CNTN3: variants seen among roughly 807,000 people sequenced by gnomAD.
The protein encoded by CNTN3 is contactin 3, also known as contactin-3.
CNTN3 carries 60 observed loss-of-function variants against 119.1 expected under a neutral mutation model. The ratio of observed to expected loss-of-function variants is 0.50; its 90% CI spans 0.41 to 0.62. The LOEUF (loss-of-function observed/expected upper bound fraction) is 0.62. CNTN3 is among the 20% of genes least tolerant of loss of function. The probability of loss-of-function intolerance (pLI) is 0.00; values close to 1 mark genes in which losing one functional copy is unlikely to be tolerated. For synonymous variants in CNTN3, 450 were observed against 438.7 expected (o/e 1.03, Z -0.32); for missense variants, 1,101 against 1,242.4 (o/e 0.89, Z 1.71).
intron 5 of CNTN3, among the ~76,000 whole-genome samples, chr3:74,372,589 T>TA (rs1302310835): frequency 2.6e-5 from 4 of 151,348 alleles, no homozygotes; most frequent in African/African-American, 9.7e-5. Context: ...CCAATAGAGT[T>TA]TAAAAAAAAA....
intron 5 of CNTN3, among the ~76,000 whole-genome samples, chr3:74,402,584 T>C (rs1205148098): frequency 6.6e-6 from 1 of 152,200 alleles, no homozygotes; most frequent in African/African-American, 2.4e-5. Flanking sequence ...GCCTTCTATA[T>C]ACTAAGCATT....
intron 1 of CNTN3, among the ~76,000 whole-genome samples, chr3:74,576,078 C>A (rs1286959204): frequency 6.6e-6 from 1 of 152,040 alleles, no homozygotes; most frequent in African/African-American, 2.4e-5. Flanking sequence ...ACATTCCAGC[C>A]CTCTGCCTCC....
At chr3:74,265,890 T>C (rs1701652874) in intron 22 of CNTN3, among the ~76,000 whole-genome samples, 1 of 152,116 alleles carries the variant, frequency 6.6e-6, no homozygotes, top group Admixed American at 6.6e-5. Flanking sequence ...TATTCTAGCA[T>C]TGGCAGTTGA....
At chr3:74,583,036 T>A (rs965881490) in intron 1 of CNTN3, among the ~76,000 whole-genome samples, 24 of 152,046 alleles carry the variant, frequency 1.6e-4, no homozygotes, top group African/African-American at 5.6e-4. Flanking sequence ...TTGGTCAGTA[T>A]CCAGAAGCAG....
At chr3:74,337,964 T>C (rs1703436051) in intron 11 of CNTN3, among the ~76,000 whole-genome samples, 1 of 152,108 alleles carries the variant, frequency 6.6e-6, no homozygotes, top group Admixed American at 6.6e-5. Context: ...CTGTCATTAA[T>C]CTGATCACTG....
At chr3:74,470,236 T>C (rs1394248254) in intron 4 of CNTN3, among the ~76,000 whole-genome samples, 1 of 152,132 alleles carries the variant, frequency 6.6e-6, no homozygotes, top group African/African-American at 2.4e-5. Flanking sequence ...TGGGGTATGA[T>C]AATAACTCTC....
chr3:74,358,810 T>A (rs1704008573), intron 11 of CNTN3, among the ~76,000 whole-genome samples: 1 of 134,046 alleles, frequency 7.5e-6, no homozygotes, highest in African/African-American at 2.8e-5. Flanking sequence ...CCTTTCTGTG[T>A]CCATGTGATC....
chr3:74,587,650 C>A (rs188874212), intron 1 of CNTN3, among the ~76,000 whole-genome samples: 1 of 152,026 alleles, frequency 6.6e-6, no homozygotes, highest in African/African-American at 2.4e-5. Context: ...CACAGTTATC[C>A]GAAAACCATC....
At chr3:74,512,812 C>T (rs1703392096) in intron 2 of CNTN3, among the ~76,000 whole-genome samples, 2 of 151,276 alleles carry the variant, frequency 1.3e-5, no homozygotes, top group South Asian at 2.1e-4. Context: ...CCACACAGTA[C>T]ACTGTTCAAC....
intron 13 of CNTN3, among the ~76,000 whole-genome samples, chr3:74,312,270 G>A (rs560752001): frequency 4.0e-4 from 60 of 151,814 alleles, no homozygotes; most frequent in Admixed American, 8.5e-4. Flanking sequence ...TGGCAAACAT[G>A]GTGAAACCAT....
intron 19 of CNTN3, among the ~76,000 whole-genome samples, chr3:74,288,875 G>A (rs531281596): frequency 6.6e-6 from 1 of 152,296 alleles, no homozygotes; most frequent in African/African-American, 2.4e-5. Flanking sequence ...CTGAGCCTGA[G>A]TGTAACGGCT....
chr3:74,502,339 C>A (rs968229856), intron 2 of CNTN3, among the ~76,000 whole-genome samples: 3 of 152,062 alleles, frequency 2.0e-5, no homozygotes, highest in African/African-American at 7.2e-5. Flanking sequence ...AATAAAAACT[C>A]AAATGCCCAT....
At chr3:74,457,904 T>G (rs930317779) in intron 4 of CNTN3, among the ~76,000 whole-genome samples, 1 of 152,054 alleles carries the variant, frequency 6.6e-6, no homozygotes, top group African/African-American at 2.4e-5. Context: ...CTGTTATAAA[T>G]AGCACCACCC....
chr3:74,594,612 C>T (rs1025195309), intron 1 of CNTN3, among the ~76,000 whole-genome samples: 101 of 152,242 alleles, frequency 6.6e-4, no homozygotes, highest in African/African-American at 2.4e-3. Flanking sequence ...CATGTCCCTA[C>T]AAAGGACATG....
intron 5 of CNTN3, among the ~76,000 whole-genome samples, chr3:74,402,650 G>C (rs762831624): frequency 4.6e-5 from 7 of 152,132 alleles, no homozygotes; most frequent in Non-Finnish European, 1.0e-4. Context: ...AATTTTTATG[G>C]AGGTGGATTC....
rs1463077911 is a variant in CNTN3 at position 74,285,330 on chromosome 3, T to C, written c.2679A>G (p.Thr893=). ...NSAGAGPFSA[T]VNVTTKKTPP... ...GCGTTTTCTTGGTGGTTACATTAAC[T>C]GTGGCGCTAAAAGGCCCAGCGCCGG... The change falls in exon 20 of 23, where the codon ACA becomes ACG. Residue 893 remains threonine (T), a synonymous_variant. Transcript: ENST00000263665. 2.5e-6 allele frequency: 4 copies of C among 1,609,742 alleles called. No individual in the cohort carries two copies. Among genetic ancestry groups the C allele is most frequent in the East Asian group, 2.2e-5 (1 of 44,664 alleles).
intron 1 of CNTN3, among the ~76,000 whole-genome samples, chr3:74,536,782 A>G (rs1306394360): frequency 2.0e-5 from 3 of 152,050 alleles, no homozygotes; most frequent in Non-Finnish European, 4.4e-5. Flanking sequence ...TCAGAGTAAC[A>G]AAAACAAGTG....
At chr3:74,468,946 A>G (rs758590642) in intron 4 of CNTN3, among the ~76,000 whole-genome samples, 6 of 152,180 alleles carry the variant, frequency 3.9e-5, no homozygotes, top group Non-Finnish European at 8.8e-5. Flanking sequence ...CTTTAAAGGG[A>G]AAAAGGCAAG....
chr3:74,348,603 T>C (rs576603626), intron 11 of CNTN3, among the ~76,000 whole-genome samples: 1 of 152,302 alleles, frequency 6.6e-6, no homozygotes, highest in South Asian at 2.1e-4. Flanking sequence ...AGCAGAGGCC[T>C]TGGGCTTCAT....
Sources: allele counts gnomAD v4.1 joint callset (sites outside exome capture counted in the v4.1 genomes callset), GRCh38; gene constraint gnomAD v4.1.1; transcripts MANE v1.5; gene names NCBI Gene and HGNC (gene_info 2026-07-23, HGNC 2026-07-21).